Variants in THSD7A observed in about 807,000 individuals in gnomAD.
THSD7A encodes the protein thrombospondin type-1 domain-containing protein 7A.
A neutral mutation model predicts 231.3 loss-of-function variants in THSD7A; 96 were observed. That is an observed-to-expected ratio of 0.41 (90% confidence interval 0.35 to 0.49). The LOEUF (loss-of-function observed/expected upper bound fraction) is 0.49, where lower values mean the gene tolerates loss of function less well. THSD7A is among the 20% of genes least tolerant of loss of function. THSD7A has a pLI of 0.05. For missense variants in THSD7A, 2,290 were observed against 2,070.2 expected (o/e 1.11, Z -2.06); for synonymous variants, 940 against 743.3 (o/e 1.26, Z -4.30).
At chr7:11,613,442 T>C in intron 2 of THSD7A, among the ~76,000 whole-genome samples, 1 of 152,208 alleles carries the variant, frequency 6.6e-6, no homozygotes, top group East Asian at 1.9e-4. Flanking sequence ...TCAGTGGAAC[T>C]CATAGTCATG....
intron 8 of THSD7A, among the ~76,000 whole-genome samples, chr7:11,471,862 T>C (rs1785952998): frequency 6.6e-6 from 1 of 152,136 alleles, no homozygotes; most frequent in Non-Finnish European, 1.5e-5. Flanking sequence ...ATGAAATTAT[T>C]GGTCAGTAAT....
At chr7:11,382,869 A>C (rs1032521282) in intron 23 of THSD7A, among the ~76,000 whole-genome samples, 2 of 151,612 alleles carry the variant, frequency 1.3e-5, no homozygotes, top group Admixed American at 6.6e-5. Context: ...TTTTTAAAAA[A>C]TATTATGAAA....
chr7:11,472,578 G>C (rs1015425950), intron 8 of THSD7A, among the ~76,000 whole-genome samples: 1 of 152,150 alleles, frequency 6.6e-6, no homozygotes, highest in Non-Finnish European at 1.5e-5. Flanking sequence ...ATAAGTCATT[G>C]AATGAAGGCT....
intron 6 of THSD7A, among the ~76,000 whole-genome samples, chr7:11,534,835 T>C (rs1261784382): frequency 3.9e-5 from 6 of 152,222 alleles, no homozygotes; most frequent in Admixed American, 6.5e-5. Flanking sequence ...AAAGTTATGC[T>C]TTCTGTCCAA....
chr7:11,526,676 TAA>T (rs992538294), intron 6 of THSD7A, among the ~76,000 whole-genome samples: 3 of 152,204 alleles, frequency 2.0e-5, no homozygotes, highest in Non-Finnish European at 4.4e-5. Context: ...CTGATGGTTT[TAA>T]AAGTGTTTGG....
At chr7:11,591,152 TAAGA>T (rs990209971) in intron 3 of THSD7A, among the ~76,000 whole-genome samples, 4 of 114,486 alleles carry the variant, frequency 3.5e-5, no homozygotes, top group Non-Finnish European at 1.7e-5. Flanking sequence ...TTGTCAAGAA[TAAGA>T]TTTTTTTTTT....
intron 1 of THSD7A, among the ~76,000 whole-genome samples, chr7:11,812,605 A>G (rs1216601547): frequency 1.3e-5 from 2 of 152,142 alleles, no homozygotes; most frequent in Non-Finnish European, 2.9e-5. Flanking sequence ...CATTTACTCT[A>G]TCTCCCTGTG....
intron 2 of THSD7A, among the ~76,000 whole-genome samples, chr7:11,633,803 G>C (rs575105489): frequency 6.6e-6 from 1 of 152,216 alleles, no homozygotes; most frequent in Non-Finnish European, 1.5e-5. Flanking sequence ...AATTATTTTT[G>C]TCTATGATCT....
At chr7:11,500,417 C>T (rs1787282429) in intron 6 of THSD7A, among the ~76,000 whole-genome samples, 1 of 152,084 alleles carries the variant, frequency 6.6e-6, no homozygotes, top group South Asian at 2.1e-4. Context: ...CAAGCCAACA[C>T]AATAACCAGC....
At chr7:11,445,520 TG>T (rs1309118679) in intron 13 of THSD7A, among the ~76,000 whole-genome samples, 22 of 37,608 alleles carry the variant, frequency 5.8e-4, no homozygotes, top group African/African-American at 1.0e-3. Context: ...GTTTGTTTTA[TG>T]TGTGTGTGTG....
chr7:11,458,827 T>G (rs902320145), intron 11 of THSD7A, among the ~76,000 whole-genome samples: 2 of 152,164 alleles, frequency 1.3e-5, no homozygotes, highest in Non-Finnish European at 2.9e-5. Context: ...TTGTACAGAT[T>G]GTGTGTCAAA....
At chr7:11,392,431 G>C (rs966162497) in intron 23 of THSD7A, among the ~76,000 whole-genome samples, 50 of 152,164 alleles carry the variant, frequency 3.3e-4, no homozygotes, top group African/African-American at 1.1e-3. Flanking sequence ...AGGGCCTTGG[G>C]TTTCAAGCAC....
intron 6 of THSD7A, among the ~76,000 whole-genome samples, chr7:11,530,017 A>G (rs1788637038): frequency 6.6e-6 from 1 of 152,176 alleles, no homozygotes; most frequent in Admixed American, 6.5e-5. Flanking sequence ...AAACGTAGTC[A>G]CTGTGGATTT....
At chr7:11,684,883 C>G (rs1779981088) in intron 1 of THSD7A, among the ~76,000 whole-genome samples, 1 of 151,788 alleles carries the variant, frequency 6.6e-6, no homozygotes, top group Non-Finnish European at 1.5e-5. Context: ...TCTAAAATTC[C>G]TATGAAACCA....
At chr7:11,684,776 A>G (rs187484482) in intron 1 of THSD7A, among the ~76,000 whole-genome samples, 71 of 152,152 alleles carry the variant, frequency 4.7e-4, no homozygotes, top group Non-Finnish European at 7.4e-4. Flanking sequence ...AAGAATCAAT[A>G]TTGTTAAAAT....
At chr7:11,542,932 T>G (rs755936994) in intron 5 of THSD7A, 30 bp downstream of exon 5, 5 of 1,607,566 alleles carry the variant, frequency 3.1e-6, no homozygotes, top group Non-Finnish European at 4.2e-6. Context: ...TTGGTGGGTA[T>G]AAAAGGCATG....
At chr7:11,623,200 T>C (rs1173662096) in intron 2 of THSD7A, among the ~76,000 whole-genome samples, 1 of 152,078 alleles carries the variant, frequency 6.6e-6, no homozygotes, top group Non-Finnish European at 1.5e-5. Flanking sequence ...TGAATAAATA[T>C]ACAGAAACAG....
chr7:11,621,271 G>T (rs117113033), intron 2 of THSD7A, among the ~76,000 whole-genome samples: 1,727 of 152,172 alleles, frequency 0.011, 18 homozygotes, highest in Non-Finnish European at 0.02. Flanking sequence ...TCCATTATAC[G>T]TTTCACTCAA....
At chr7:11,720,901 T>C (rs931038594) in intron 1 of THSD7A, among the ~76,000 whole-genome samples, 11 of 151,760 alleles carry the variant, frequency 7.2e-5, no homozygotes, top group Non-Finnish European at 1.5e-4. Flanking sequence ...TTCCTTCTAC[T>C]CTACCCACCC....
Sources: allele counts gnomAD v4.1 joint callset (sites outside exome capture counted in the v4.1 genomes callset), GRCh38; gene constraint gnomAD v4.1.1; transcripts MANE v1.5; gene names NCBI Gene and HGNC (gene_info 2026-07-23, HGNC 2026-07-21).